PDE4C: variants seen among roughly 807,000 people sequenced by gnomAD.
The protein encoded by PDE4C is phosphodiesterase 4C.
Under a neutral mutation model 63.9 loss-of-function variants are expected in PDE4C, and 50 were observed. The observed-to-expected ratio is 0.78, with a 90% CI of 0.62 to 0.99. PDE4C has a LOEUF of 0.99. PDE4C is among the 50% of genes least tolerant of loss of function. The probability of loss-of-function intolerance (pLI) is 0.00; values close to 1 mark genes in which losing one functional copy is unlikely to be tolerated. For missense variants in PDE4C, 777 were observed against 899.1 expected, an observed-to-expected ratio of 0.86 and a Z score of 1.74; for synonymous variants, 377 against 385.1, an observed-to-expected ratio of 0.98 and a Z score of 0.25.
At chr19:18,239,664 C>G (rs1969006662) in intron 1 of PDE4C, among the ~76,000 whole-genome samples, 1 of 152,106 alleles carries the variant, frequency 6.6e-6, no homozygotes, top group Admixed American at 6.6e-5. Context: ...AGAGATGGCC[C>G]AGTCTTCCCC....
At chr19:18,211,703 G>A in intron 14 of PDE4C, 56 bp downstream of exon 14, 1 of 1,590,036 alleles carries the variant, frequency 6.3e-7, no homozygotes, top group Non-Finnish European at 8.6e-7. Flanking sequence ...GGTTGGCTCA[G>A]CCCCTCCTTT....
intron 12 of PDE4C, among the ~76,000 whole-genome samples, chr19:18,215,826 CTTTTCTTTTTTTTTTT>C (rs1456894715): frequency 7.1e-6 from 1 of 140,922 alleles, no homozygotes; most frequent in African/African-American, 2.6e-5. Context: ...TAATTTTTTT[CTTTTCTTTTTTTTTTT>C]TTTTTGAGAC....
upstream of PDE4C, chr19:18,234,323 C>G (rs543674578): frequency 6.6e-6 from 1 of 152,324 alleles, no homozygotes; most frequent in Non-Finnish European, 1.5e-5. Flanking sequence ...GGATCTCATT[C>G]GCCCTGAGAA....
At chr19:18,249,028 TAAA>T (rs35271467), upstream of PDE4C, among the ~76,000 whole-genome samples, 4 of 136,336 alleles carry the variant, frequency 2.9e-5, no homozygotes, top group African/African-American at 5.6e-5. Context: ...TCCATCTTAT[TAAA>T]AAAAAAAAAA....
the PDE4C span, among the ~76,000 whole-genome samples, chr19:18,253,393 T>A: frequency 6.6e-6 from 1 of 151,588 alleles, no homozygotes; most frequent in Middle Eastern, 3.4e-3. Context: ...TACAAAAAAA[T>A]AAAACAAAAA....
Position 18,244,868 on chromosome 19 carries a change from C to T in PDE4C, c.-210+3303G>A, listed in dbSNP as rs530112204. Among the ~76,000 whole-genome samples, 64 of 151,436 alleles carry T rather than the reference C, an allele frequency of 4.2e-4. No individual in the cohort carries two copies. The South Asian group carries it at 0.01, about 24-fold the overall frequency. On this transcript the variant is annotated intron_variant, in intron 1 of 15. Transcript: ENST00000594617. Reference sequence around the variant, plus strand: ...TATTTTCTGTTGAGATGGAGTCTCACTCCTTCACCCAGGCTGAAGTGCAGT... The same window carrying T: ...TATTTTCTGTTGAGATGGAGTCTCATTCCTTCACCCAGGCTGAAGTGCAGT...
intron 1 of PDE4C, among the ~76,000 whole-genome samples, chr19:18,245,498 T>C (rs1969113753): frequency 2.0e-5 from 3 of 152,128 alleles, no homozygotes; most frequent in Non-Finnish European, 4.4e-5. Context: ...CTCGGGGCCT[T>C]TGCATGTGCT....
At chr19:18,232,397 G>T (rs945689812) in intron 1 of PDE4C, among the ~76,000 whole-genome samples, 13 of 150,718 alleles carry the variant, frequency 8.6e-5, no homozygotes, top group African/African-American at 3.2e-4. Context: ...GTGTGTGTGT[G>T]TGTGTGTGTG....
intron 14 of PDE4C, 131 bp downstream of exon 14, chr19:18,211,628 G>T: frequency 1.0e-6 from 1 of 985,964 alleles, no homozygotes; most frequent in Non-Finnish European, 1.5e-6. Context: ...GTCTAACTCG[G>T]CCCAGACAGC....
At chr19:18,253,686 A>C in the PDE4C span, among the ~76,000 whole-genome samples, 3 of 152,220 alleles carry the variant, frequency 2.0e-5, no homozygotes, top group Non-Finnish European at 2.9e-5. Context: ...GGCTAACCTC[A>C]ACTTTAATGG....
At chr19:18,211,596 G>T in intron 14 of PDE4C, 163 bp downstream of exon 14, 1 of 746,216 alleles carries the variant, frequency 1.3e-6, no homozygotes. Flanking sequence ...TCTCCCTGAA[G>T]CCCAGAGAGA....
upstream of PDE4C, among the ~76,000 whole-genome samples, chr19:18,228,005 G>T (rs561761289): frequency 6.6e-6 from 1 of 152,044 alleles, no homozygotes; most frequent in African/African-American, 2.4e-5. Flanking sequence ...CCTAACCCCC[G>T]CAGTCTTGCA....
chr19:18,233,063 T>C lies in PDE4C; in HGVS notation c.129A>G (p.Gln43=), dbSNP rs775622890. The C allele has an allele frequency of 8.9e-6, 14 of 1,570,554 alleles. No homozygotes were observed. In the South Asian group the frequency reaches 9.3e-5, roughly 10 times the overall value. ...TGTCCGGATCCGAATAGAAGCGCTG[T>C]TGGATGCGGATGGGGCGCCGGGGTT... The change falls in exon 1 of 15, where the codon CAA becomes CAG. Residue 43 remains glutamine (Q), a synonymous_variant. Coordinates refer to the PDE4C transcript ENST00000594465.
Position 18,211,744 on chromosome 19 carries a change from C to T in PDE4C, c.1695+15G>A, listed in dbSNP as rs773672947. On this transcript the variant is annotated intron_variant, in intron 14 of 14. Transcript: ENST00000262805. The stretch of plus-strand genomic sequence containing the variant: ...CCTCCCAGTGTCTACCGGTTCAGCC[C>T]AGTCCCCTGCCAACCTGGGACTTCT... 3 of 1,613,826 alleles carry T rather than the reference C, an allele frequency of 1.9e-6. No homozygotes were observed. Among genetic ancestry groups the T allele is most frequent in the Non-Finnish European group, 2.5e-6 (3 of 1,179,818 alleles).
At chr19:18,218,290 T>C in intron 10 of PDE4C, 42 bp from the exon 11 acceptor site, 1 of 1,613,162 alleles carries the variant, frequency 6.2e-7, no homozygotes, top group Non-Finnish European at 8.5e-7. Context: ...GCGGGTTCTC[T>C]GGGCCCTGCA....
At chr19:18,254,762 G>A in the PDE4C span, among the ~76,000 whole-genome samples, 1 of 152,276 alleles carries the variant, frequency 6.6e-6, no homozygotes, top group South Asian at 2.1e-4. Flanking sequence ...CTCCACCCTA[G>A]GCACTGTCTT....
upstream of PDE4C, chr19:18,252,322 T>C (rs1161909954): frequency 2.0e-5 from 8 of 398,936 alleles, no homozygotes; most frequent in East Asian, 2.5e-4. Context: ...CTTGAGGGGC[T>C]GAGGTGGGTT....
upstream of PDE4C, among the ~76,000 whole-genome samples, chr19:18,234,431 C>T (rs183040976): frequency 6.6e-6 from 1 of 152,238 alleles, no homozygotes; most frequent in East Asian, 1.9e-4. Flanking sequence ...ACCCACCAGG[C>T]GTCTTAGTCT....
At chr19:18,225,290 T>A (rs927083473) in intron 1 of PDE4C, among the ~76,000 whole-genome samples, 3 of 152,240 alleles carry the variant, frequency 2.0e-5, no homozygotes, top group Non-Finnish European at 4.4e-5. Flanking sequence ...TCCTCACTTC[T>A]GAGTACCCGC....
Sources: gnomAD v4.1 joint callset for allele counts (sites outside exome capture counted in the v4.1 genomes callset) on GRCh38, gnomAD v4.1.1 for gene constraint, MANE v1.5 for transcripts, NCBI Gene and HGNC (gene_info 2026-07-23, HGNC 2026-07-21) for gene names.